Variants in PIK3CA observed in about 807,000 individuals in gnomAD.
PIK3CA encodes phosphatidylinositol 4,5-bisphosphate 3-kinase catalytic subunit alpha isoform.
In PIK3CA, 27 loss-of-function variants were observed where a neutral mutation model predicts 138.2. The ratio of observed to expected loss-of-function variants is 0.20; its 90% CI spans 0.14 to 0.27. PIK3CA has a LOEUF of 0.27. Ranked by LOEUF, PIK3CA falls within the 10% of genes least tolerant of loss-of-function variation. The pLI, the probability that PIK3CA is intolerant of heterozygous loss-of-function variation, is 1.00. For missense variants in PIK3CA, 544 were observed against 1,277.4 expected, an observed-to-expected ratio of 0.43 and a Z score of 8.75; for synonymous variants, 358 against 413.2, an observed-to-expected ratio of 0.87 and a Z score of 1.62.
At chr3:179,232,870 T>C (rs939226200) in intron 20 of PIK3CA, among the ~76,000 whole-genome samples, 6 of 152,036 alleles carry the variant, frequency 3.9e-5, no homozygotes, top group African/African-American at 1.4e-4. Context: ...TTTTTTTATC[T>C]TTTTTAAGAC....
Position 179,224,751 on chromosome 3 carries a change from T to C in PIK3CA, c.2346T>C (p.Asn782=). Residue 782 remains asparagine (N), a synonymous_variant, in exon 16 of 21, where the codon AAT becomes AAC. Transcript: ENST00000263967. ...CTGCAAAAAGGCCACTGTGGTTGAA[T>C]TGGGAGAACCCAGACATCATGTCAG... The part of the protein sequence containing the change: ...MSSAKRPLWL[N]WENPDIMSEL... 1 of 1,607,578 alleles carries C rather than the reference T, an allele frequency of 6.2e-7. No individual in the cohort carries two copies. The highest frequency in any genetic ancestry group is 8.5e-7 in the Non-Finnish European group (1 of 1,174,464).
At chr3:179,181,014 T>C (rs1168375448) in intron 1 of PIK3CA, among the ~76,000 whole-genome samples, 1 of 152,130 alleles carries the variant, frequency 6.6e-6, no homozygotes, top group African/African-American at 2.4e-5. Flanking sequence ...AGAGTGTGTG[T>C]GTCTCTATGT....
chr3:179,220,498 A>G lies in PIK3CA; in HGVS notation c.2015+446A>G, dbSNP rs1052430713. Among the ~76,000 whole-genome samples the G allele has an allele frequency of 1.1e-4, 16 of 152,330 alleles. No homozygotes were observed. The highest frequency in any genetic ancestry group is 1.6e-4 in the Non-Finnish European group (11 of 68,026). On this transcript the variant is annotated intron_variant, in intron 13 of 20. Transcript: ENST00000263967. This position sits in a 1 kb window ranked among gnomAD's most constrained non-coding sequence, Gnocchi z 4.1. ...TAGAATGTGATATATGTAGTACTCA[A>G]AAGTTACAGGTCATAAACCATATAA...
intron 1 of PIK3CA, among the ~76,000 whole-genome samples, chr3:179,192,927 A>G (rs1005059797): frequency 1.3e-5 from 2 of 152,274 alleles, no homozygotes; most frequent in African/African-American, 4.8e-5. Flanking sequence ...CTGAAAGAGT[A>G]CACATCAAGT....
intron 7 of PIK3CA, among the ~76,000 whole-genome samples, 199 bp from the exon 8 acceptor site, chr3:179,209,987 C>T (rs1451539312): frequency 6.6e-6 from 1 of 151,662 alleles, no homozygotes; most frequent in South Asian, 2.1e-4. Context: ...TTCATATTTT[C>T]TATTTATAAT....
At chr3:179,202,065 GTTGT>G (rs772474120) in intron 4 of PIK3CA, among the ~76,000 whole-genome samples, 1 of 151,970 alleles carries the variant, frequency 6.6e-6, no homozygotes, top group Admixed American at 6.5e-5. Context: ...TGTTTTTGTT[GTTGT>G]TTGTTTGTTT....
At chr3:179,232,820 T>C (rs1725243091) in intron 20 of PIK3CA, among the ~76,000 whole-genome samples, 1 of 152,190 alleles carries the variant, frequency 6.6e-6, no homozygotes, top group East Asian at 1.9e-4. Context: ...TTTTGTAACC[T>C]GAGACTTTAC....
chr3:179,169,587 T>C (rs759085763), intron 1 of PIK3CA, among the ~76,000 whole-genome samples: 15 of 152,134 alleles, frequency 9.9e-5, no homozygotes, highest in Admixed American at 3.9e-4. Flanking sequence ...CTAATTAAGG[T>C]TCTGGGGTTT....
At chr3:179,184,964 C>T (rs1368005897) in intron 1 of PIK3CA, among the ~76,000 whole-genome samples, 2 of 152,012 alleles carry the variant, frequency 1.3e-5, no homozygotes, top group Non-Finnish European at 2.9e-5. Flanking sequence ...AATACAAGTC[C>T]CTATGGTGAC....
intron 1 of PIK3CA, among the ~76,000 whole-genome samples, chr3:179,166,352 A>G (rs1723419732): frequency 6.6e-6 from 1 of 152,194 alleles, no homozygotes; most frequent in African/African-American, 2.4e-5. Context: ...CACGGCTCAC[A>G]TGTTCATTTA....
chr3:179,154,658 G>A (rs1723090936), intron 1 of PIK3CA, among the ~76,000 whole-genome samples: 1 of 152,176 alleles, frequency 6.6e-6, no homozygotes, highest in South Asian at 2.1e-4. Flanking sequence ...GAATTGTAAT[G>A]TGTTGCTTGC....
Position 179,221,165 on chromosome 3 carries a change from A to AG in PIK3CA, c.2187+8_2187+9insG. The AG allele has an allele frequency of 6.2e-7, 1 of 1,608,730 alleles. No individual in the cohort carries two copies. Among genetic ancestry groups the AG allele is most frequent in the Non-Finnish European group, 8.5e-7 (1 of 1,175,800 alleles). Reference sequence around the variant, plus strand: ...AAGGATGAAACACAAAAGGTGTGTGACTCTAGTTTGTGTTTGAGACTCTTT... The same window carrying AG: ...AAGGATGAAACACAAAAGGTGTGTGAGCTCTAGTTTGTGTTTGAGACTCTTT... On this transcript the variant is annotated intron_variant, in intron 14 of 20. Coordinates refer to ENST00000263967, the MANE Select transcript of PIK3CA (RefSeq NM_006218.4).
chr3:179,233,899 C>T (rs1725271646), intron 20 of PIK3CA, among the ~76,000 whole-genome samples, 195 bp from the exon 21 acceptor site: 1 of 152,070 alleles, frequency 6.6e-6, no homozygotes, highest in African/African-American at 2.4e-5. Context: ...TTAAAAAGTC[C>T]TTATTCTCTT....
At chr3:179,197,080 C>T (rs1163344434) in intron 1 of PIK3CA, among the ~76,000 whole-genome samples, 1 of 151,914 alleles carries the variant, frequency 6.6e-6, no homozygotes, top group Non-Finnish European at 1.5e-5. Context: ...GCTCTGTCGC[C>T]CAGACTGGAG....
chr3:179,168,136 G>C (rs893413128), intron 1 of PIK3CA, among the ~76,000 whole-genome samples: 1 of 152,074 alleles, frequency 6.6e-6, no homozygotes, highest in African/African-American at 2.4e-5. Flanking sequence ...TCTAGCATGT[G>C]GTCTCTTCCT....
chr3:179,166,873 C>T (rs146205592), intron 1 of PIK3CA, among the ~76,000 whole-genome samples: 6 of 152,162 alleles, frequency 3.9e-5, no homozygotes, highest in African/African-American at 1.2e-4. Context: ...CATGTAGCCA[C>T]GGTTTAAACC....
rs1724486847 is a variant in PIK3CA at position 179,203,847 on chromosome 3, C to A, written c.1059+58C>A. 7 of 1,296,442 alleles carry A rather than the reference C, an allele frequency of 5.4e-6. No homozygotes were observed. In the South Asian group the frequency reaches 7.1e-5, roughly 13 times the overall value. 80.3% of individuals were successfully genotyped at this position (1,296,442 alleles called of 1,614,324 possible). Reference sequence around the variant, plus strand: ...AGAAATTATTTTAGATAACCTTTTTCTTGCACTATACAGTAATCTGTTGAC... The same window carrying A: ...AGAAATTATTTTAGATAACCTTTTTATTGCACTATACAGTAATCTGTTGAC... On this transcript the variant is annotated intron_variant, in intron 5 of 20. Transcript: ENST00000263967.
At chr3:179,205,229 A>G (rs1560140177) in intron 6 of PIK3CA, among the ~76,000 whole-genome samples, 2 of 152,112 alleles carry the variant, frequency 1.3e-5, no homozygotes, top group Middle Eastern at 3.4e-3. Flanking sequence ...ATTTTACATC[A>G]TTAGCTTTAT....
intron 17 of PIK3CA, among the ~76,000 whole-genome samples, chr3:179,228,756 CAT>C (rs2108421843): frequency 6.6e-6 from 1 of 151,918 alleles, no homozygotes; most frequent in African/African-American, 2.4e-5. Context: ...ATTAACATGT[CAT>C]AGTTTGTTGC....
Sources: gnomAD v4.1 joint callset for allele counts (sites outside exome capture counted in the v4.1 genomes callset) on GRCh38, gnomAD v4.1.1 for gene constraint, Gnocchi (gnomAD v3.1) non-coding constraint, MANE v1.5 for transcripts, NCBI Gene and HGNC (gene_info 2026-07-23, HGNC 2026-07-21) for gene names.